The following SRD5A2 variants were observed in gnomAD, a reference collection of about 807,000 sequenced individuals.
SRD5A2 encodes the protein 3-oxo-5-alpha-steroid 4-dehydrogenase 2.
Under a neutral mutation model 27.4 loss-of-function variants are expected in SRD5A2, and 30 were observed. The observed-to-expected ratio is 1.10, with a 90% CI of 0.82 to 1.49. The LOEUF is 1.49. SRD5A2 is among the 40% of genes most tolerant of loss of function. The pLI, the probability that SRD5A2 is intolerant of heterozygous loss-of-function variation, is 0.00. For missense variants in SRD5A2, 348 were observed against 323.4 expected (o/e 1.08, Z -0.58); for synonymous variants, 141 against 133.6 (o/e 1.06, Z -0.38).
At chr2:31,641,529 G>C in the SRD5A2 span, among the ~76,000 whole-genome samples, 2 of 152,112 alleles carry the variant, frequency 1.3e-5, no homozygotes, top group African/African-American at 4.8e-5. Flanking sequence ...ACATAAACTT[G>C]TGACCATCCT....
At chr2:31,538,355 C>A (rs1052092501) in intron 1 of SRD5A2, among the ~76,000 whole-genome samples, 1 of 152,144 alleles carries the variant, frequency 6.6e-6, no homozygotes, top group African/African-American at 2.4e-5. Flanking sequence ...AATCTGTTAG[C>A]AATTTCTGTC....
chr2:31,531,213 A>G (rs1353312811), intron 3 of SRD5A2, among the ~76,000 whole-genome samples, 158 bp downstream of exon 3: 1 of 152,238 alleles, frequency 6.6e-6, no homozygotes, highest in Non-Finnish European at 1.5e-5. Context: ...ATGCAGAGGT[A>G]CTGTGATGGG....
the SRD5A2 span, among the ~76,000 whole-genome samples, chr2:31,603,122 AACAG>A: frequency 6.6e-6 from 1 of 152,148 alleles, no homozygotes; most frequent in African/African-American, 2.4e-5. Context: ...CATCAAAGTA[AACAG>A]ACAACCTAGA....
chr2:31,638,170 A>T, the SRD5A2 span, among the ~76,000 whole-genome samples: 1 of 151,778 alleles, frequency 6.6e-6, no homozygotes, highest in Non-Finnish European at 1.5e-5. Flanking sequence ...TTTTCTTCTC[A>T]ATTTCTTTAT....
At chr2:31,657,625 A>C in the SRD5A2 span, among the ~76,000 whole-genome samples, 5 of 152,336 alleles carry the variant, frequency 3.3e-5, no homozygotes, top group African/African-American at 9.6e-5. Context: ...ATAAAAAACT[A>C]ATCATATTAT....
the SRD5A2 span, among the ~76,000 whole-genome samples, chr2:31,632,687 G>A: frequency 3.3e-5 from 5 of 152,104 alleles, no homozygotes; most frequent in East Asian, 1.9e-4. Context: ...CCTAGGACAC[G>A]CAGTCACTAG....
chr2:31,646,758 G>T, the SRD5A2 span, among the ~76,000 whole-genome samples: 1 of 152,066 alleles, frequency 6.6e-6, no homozygotes, highest in Admixed American at 6.6e-5. Context: ...TAGACTTCTG[G>T]CTTCTGTTAA....
At chr2:31,632,940 G>A in the SRD5A2 span, among the ~76,000 whole-genome samples, 1 of 152,206 alleles carries the variant, frequency 6.6e-6, no homozygotes, top group South Asian at 2.1e-4. Context: ...TAACTTCCGA[G>A]GGAACACCTA....
chr2:31,615,361 GATA>G, the SRD5A2 span, among the ~76,000 whole-genome samples: 5 of 152,182 alleles, frequency 3.3e-5, no homozygotes, highest in Admixed American at 6.5e-5. Context: ...TAGTGATATA[GATA>G]ATAAGGTCCA....
At chr2:31,526,906 AGAG>A (rs948119748) in intron 4 of SRD5A2, 1 of 152,374 alleles carries the variant, frequency 6.6e-6, no homozygotes, top group Non-Finnish European at 1.5e-5. Flanking sequence ...CCTAAAAAGA[AGAG>A]GAGAAGAGAC....
chr2:31,557,701 A>G (rs1666527781), intron 1 of SRD5A2, among the ~76,000 whole-genome samples: 1 of 152,290 alleles, frequency 6.6e-6, no homozygotes, highest in East Asian at 1.9e-4. Flanking sequence ...TCTGGTCTGG[A>G]TATCTGTGAC....
the SRD5A2 span, among the ~76,000 whole-genome samples, chr2:31,625,523 G>T: frequency 6.6e-6 from 1 of 152,124 alleles, no homozygotes; most frequent in Non-Finnish European, 1.5e-5. Flanking sequence ...AATCCATCTT[G>T]AATTAATTTT....
rs536964535 is a variant in SRD5A2, at chr2:31,526,593, T to A, written c.699-331A>T. Among the ~76,000 whole-genome samples the A allele has an allele frequency of 4.0e-5, 6 of 151,850 alleles. No individual in the cohort carries two copies. The East Asian group carries it at 9.7e-4, about 25-fold the overall frequency. ...ACGTATATCCTACCAGAAAAAAAAA[T>A]GTAGTATCTAGAAGGAGGTACTTGT... On this transcript the variant is annotated intron_variant, in intron 4 of 4. Transcript: ENST00000622030.
chr2:31,630,932 G>T, the SRD5A2 span, among the ~76,000 whole-genome samples: 2 of 152,088 alleles, frequency 1.3e-5, no homozygotes. Flanking sequence ...AAACACAATG[G>T]GTGTTCAGTA....
chr2:31,637,920 T>C, the SRD5A2 span, among the ~76,000 whole-genome samples: 1 of 152,146 alleles, frequency 6.6e-6, no homozygotes, highest in Admixed American at 6.6e-5. Flanking sequence ...TTTGTCTCAA[T>C]TGCATTTATA....
chr2:31,555,998 G>T (rs1461735250), intron 1 of SRD5A2, among the ~76,000 whole-genome samples: 1 of 152,150 alleles, frequency 6.6e-6, no homozygotes, highest in Non-Finnish European at 1.5e-5. Context: ...ACACATTTTA[G>T]CACAAAATAG....
chr2:31,557,913 G>A (rs1666531709), intron 1 of SRD5A2, among the ~76,000 whole-genome samples: 1 of 152,228 alleles, frequency 6.6e-6, no homozygotes, highest in Admixed American at 6.5e-5. Flanking sequence ...CTGATGCAGA[G>A]TCTCAGGTTG....
the SRD5A2 span, chr2:31,651,810 G>A: frequency 2.0e-5 from 3 of 152,698 alleles, no homozygotes; most frequent in South Asian, 4.1e-4. Flanking sequence ...GTGTTTGTAC[G>A]ATGAACATCG....
chr2:31,621,194 T>C, the SRD5A2 span, among the ~76,000 whole-genome samples: 2 of 152,032 alleles, frequency 1.3e-5, no homozygotes, highest in East Asian at 3.9e-4. Flanking sequence ...ACAATCAAGA[T>C]ACAGAATAAT....
Sources: gnomAD v4.1 joint callset for allele counts (sites outside exome capture counted in the v4.1 genomes callset) on GRCh38, gnomAD v4.1.1 for gene constraint, MANE v1.5 for transcripts, NCBI Gene and HGNC (gene_info 2026-07-23, HGNC 2026-07-21) for gene names.